The following CRYBG3 variants were observed in gnomAD, a reference collection of about 807,000 sequenced individuals.
CRYBG3 encodes very large A-kinase anchor protein.
In CRYBG3, 127 loss-of-function variants were observed where a neutral mutation model predicts 244.2. That is an observed-to-expected ratio of 0.52 (90% CI 0.45 to 0.60). CRYBG3 has a LOEUF of 0.60. Among genes scored for constraint, CRYBG3 ranks in the 20% least tolerant of loss-of-function variants. The probability of loss-of-function intolerance (pLI) is 0.00; values close to 1 mark genes in which losing one functional copy is unlikely to be tolerated. For synonymous variants in CRYBG3, 1,132 were observed against 1,195.8 expected (o/e 0.95, Z 1.10); for missense variants, 3,325 against 3,442.5 (o/e 0.97, Z 0.85).
intron 15 of CRYBG3, among the ~76,000 whole-genome samples, chr3:97,900,807 A>G (rs976076183): frequency 6.6e-6 from 1 of 152,156 alleles, no homozygotes; most frequent in Admixed American, 6.5e-5. Context: ...AGAATATTAT[A>G]TTTATTTCTG....
In CRYBG3 at chr3:97,936,873, T is replaced by C; in HGVS notation, c.8470T>C (p.Trp2824Arg). 6.2e-7 allele frequency: 1 copy of C among 1,613,038 alleles called. No homozygotes were observed. The highest frequency in any genetic ancestry group is 8.5e-7 in the Non-Finnish European group (1 of 1,179,376). ...CCCAAACTGGACAGCATTCAGCAGA[T>C]GGAAAACAATTGGTTCCCTCCGTCC... ...EIPNWTAFSRWKTIGSLRPMK... is the reference protein window; with the variant it reads ...EIPNWTAFSRRKTIGSLRPMK... The change falls in exon 19 of 22, where the codon TGG becomes CGG. Residue 2824 changes from tryptophan to arginine, a missense_variant. Around this residue, in one of 4 missense-constraint regions of CRYBG3, gnomAD observed 714 missense variants for 803.6 expected, o/e 0.89. Coordinates refer to ENST00000389622, the MANE Select transcript of CRYBG3 (RefSeq NM_153605.4).
At chr3:97,880,242 T>G (rs1247057391) in intron 6 of CRYBG3, 142 bp downstream of exon 6, 2 of 563,356 alleles carry the variant, frequency 3.6e-6, no homozygotes, top group African/African-American at 3.8e-5. Context: ...AACATTATTA[T>G]TAGTGTGTTA....
At chr3:97,846,041 T>G (rs921615323) in intron 2 of CRYBG3, among the ~76,000 whole-genome samples, 1 of 152,188 alleles carries the variant, frequency 6.6e-6, no homozygotes, top group African/African-American at 2.4e-5. Context: ...TCATGGATGC[T>G]CAGTATGTAG....
chr3:97,862,100 TA>T (rs397990602), intron 2 of CRYBG3, among the ~76,000 whole-genome samples: 1 of 151,510 alleles, frequency 6.6e-6, no homozygotes, highest in Non-Finnish European at 1.5e-5. Context: ...GTTTTTTTTT[TA>T]AAAAATTATT....
chr3:97,885,612 GC>G (rs2050089959), intron 7 of CRYBG3, among the ~76,000 whole-genome samples: 1 of 152,120 alleles, frequency 6.6e-6, no homozygotes, highest in South Asian at 2.1e-4. Flanking sequence ...TATTAGAAGA[GC>G]TTTTTGAAAG....
chr3:97,824,836 A>G (rs1459572990), intron 1 of CRYBG3, among the ~76,000 whole-genome samples: 1 of 152,026 alleles, frequency 6.6e-6, no homozygotes, highest in African/African-American at 2.4e-5. Context: ...AAACTCAAAA[A>G]CTCCCAGAGT....
Position 97,872,490 on chromosome 3 carries a change from T to A in CRYBG3, c.1296T>A (p.Pro432=). ...AGGAGCTTGTTGAGCCTCAGGGCCC[T>A]GCTATTTCTGATTTCTCTTGTAGTA... ...QREELVEPQG[P]AISDFSCSKS... The change falls in exon 4 of 22, where the codon CCT becomes CCA. Residue 432 remains proline (P), a synonymous_variant. Coordinates refer to ENST00000389622, the MANE Select transcript of CRYBG3 (RefSeq NM_153605.4). 6.5e-7 allele frequency: 1 copy of A among 1,536,008 alleles called. No individual in the cohort carries two copies. Among genetic ancestry groups the A allele is most frequent in the African/African-American group, 1.4e-5 (1 of 73,164 alleles).
intron 16 of CRYBG3, 23 bp downstream of exon 16, chr3:97,912,299 T>G (rs750838312): frequency 8.1e-7 from 1 of 1,239,384 alleles, no homozygotes. Flanking sequence ...ACTTAGTGGT[T>G]TCTGCTGTTA....
chr3:97,936,806 C>T lies in CRYBG3; in HGVS notation c.8403C>T (p.Ser2801=). 3.1e-6 allele frequency: 5 copies of T among 1,612,814 alleles called. No individual in the cohort carries two copies. The highest frequency in any genetic ancestry group is 4.2e-6 in the Non-Finnish European group (5 of 1,179,322). The stretch of plus-strand genomic sequence containing the variant: ...ATAGATGGATAGCTTATGAAGGATC[C>T]AATTTCTTGGGAAGACAAATCCTAC... ...KSGLWIAYEG[S]NFLGRQILLR... The change falls in exon 19 of 22, where the codon TCC becomes TCT. Residue 2801 remains serine, a synonymous_variant. Coordinates refer to ENST00000389622, the MANE Select transcript of CRYBG3 (RefSeq NM_153605.4).
At chr3:97,864,699 C>T (rs2039201620) in intron 3 of CRYBG3, 52 bp downstream of exon 3, 3 of 1,263,526 alleles carry the variant, frequency 2.4e-6, no homozygotes, top group African/African-American at 3.0e-5. Flanking sequence ...TTGGACCTAG[C>T]TTTTGAGCTT....
intron 15 of CRYBG3, among the ~76,000 whole-genome samples, chr3:97,911,692 T>C (rs2039874085): frequency 6.6e-6 from 1 of 152,306 alleles, no homozygotes; most frequent in African/African-American, 2.4e-5. Context: ...CTCCTCTTCT[T>C]ATATTAACTG....
At chr3:97,921,280 T>G (rs1382227678) in intron 17 of CRYBG3, among the ~76,000 whole-genome samples, 1 of 152,176 alleles carries the variant, frequency 6.6e-6, no homozygotes, top group Non-Finnish European at 1.5e-5. Flanking sequence ...CTCTGCATCT[T>G]AAGATGCTTT....
intron 2 of CRYBG3, among the ~76,000 whole-genome samples, chr3:97,858,754 G>A (rs1048135545): frequency 1.3e-5 from 2 of 151,454 alleles, no homozygotes; most frequent in East Asian, 3.9e-4. Context: ...GTATTTTTTC[G>A]TATCTTGCTG....
intron 7 of CRYBG3, among the ~76,000 whole-genome samples, chr3:97,882,211 A>G (rs1047207915): frequency 6.6e-6 from 1 of 150,644 alleles, no homozygotes; most frequent in African/African-American, 2.4e-5. Flanking sequence ...CTGTCTAATA[A>G]TAATAATAAT....
At chr3:97,853,404 A>AC (rs1256104822) in intron 2 of CRYBG3, among the ~76,000 whole-genome samples, 8 of 88,322 alleles carry the variant, frequency 9.1e-5, no homozygotes, top group Non-Finnish European at 1.5e-4. Context: ...ACACACATAC[A>AC]ATACACACAC....
At chr3:97,838,659 T>G (rs900179210) in intron 1 of CRYBG3, among the ~76,000 whole-genome samples, 2 of 152,136 alleles carry the variant, frequency 1.3e-5, no homozygotes, top group Non-Finnish European at 2.9e-5. Flanking sequence ...CTGACACATG[T>G]GTGCACTGCT....
chr3:97,852,909 A>C (rs6778140), intron 2 of CRYBG3, among the ~76,000 whole-genome samples: 11,010 of 152,124 alleles, frequency 0.072, 1,273 homozygotes, highest in African/African-American at 0.25. Context: ...TTTGAAGTGC[A>C]TTTCCTGGAT....
chr3:97,871,548 G>A (rs1372387666), intron 3 of CRYBG3, among the ~76,000 whole-genome samples: 2 of 152,150 alleles, frequency 1.3e-5, no homozygotes, highest in African/African-American at 2.4e-5. Context: ...AGGACCCAAG[G>A]CTTGGACTCA....
chr3:97,919,069 C>T (rs1171046322), intron 17 of CRYBG3, among the ~76,000 whole-genome samples: 1 of 152,122 alleles, frequency 6.6e-6, no homozygotes, highest in African/African-American at 2.4e-5. Context: ...GAGGTGTTCT[C>T]TGTTACTAGA....
Sources: allele counts gnomAD v4.1 joint callset (sites outside exome capture counted in the v4.1 genomes callset), GRCh38; gene constraint gnomAD v4.1.1; regional missense constraint gnomAD v4.1.1; transcripts MANE v1.5; gene names NCBI Gene and HGNC (gene_info 2026-07-23, HGNC 2026-07-21).